RAB28: variants seen among roughly 807,000 people sequenced by gnomAD.
The protein encoded by RAB28 is ras-related protein Rab-28.
Under a neutral mutation model 31.7 loss-of-function variants are expected in RAB28, and 24 were observed. The observed-to-expected ratio is 0.76, with a 90% confidence interval of 0.55 to 1.06. RAB28 has a LOEUF of 1.06. Among genes scored for constraint, RAB28 ranks in the 50% least tolerant of loss-of-function variants. The pLI is 0.00. For missense variants in RAB28, 254 were observed against 258.5 expected, an observed-to-expected ratio of 0.98 and a Z score of 0.12; for synonymous variants, 100 against 90.4, an observed-to-expected ratio of 1.11 and a Z score of -0.60.
intron 4 of RAB28, among the ~76,000 whole-genome samples, chr4:13,413,498 T>C (rs1712564493): frequency 6.6e-6 from 1 of 152,172 alleles, no homozygotes; most frequent in South Asian, 2.1e-4. Flanking sequence ...AGAAGACTAC[T>C]CTTTATTCGG....
At chr4:13,397,390 G>T (rs1165514845) in intron 4 of RAB28, among the ~76,000 whole-genome samples, 1 of 152,064 alleles carries the variant, frequency 6.6e-6, no homozygotes, top group Non-Finnish European at 1.5e-5. Flanking sequence ...GTTTGGTTCT[G>T]GGGTGCTAGC....
At chr4:13,411,163 A>C (rs1303910028) in intron 4 of RAB28, among the ~76,000 whole-genome samples, 1 of 152,174 alleles carries the variant, frequency 6.6e-6, no homozygotes, top group Non-Finnish European at 1.5e-5. Context: ...TTAAATACCA[A>C]AACACAACAG....
At chr4:13,382,350 G>A (rs2108883003) in intron 4 of RAB28, among the ~76,000 whole-genome samples, 1 of 152,132 alleles carries the variant, frequency 6.6e-6, no homozygotes, top group African/African-American at 2.4e-5. Context: ...TAAGGGTGTT[G>A]ATTCAATGCC....
intron 4 of RAB28, among the ~76,000 whole-genome samples, chr4:13,435,609 A>T (rs1279985041): frequency 6.6e-6 from 1 of 152,230 alleles, no homozygotes; most frequent in African/African-American, 2.4e-5. Flanking sequence ...CCATGTGCAC[A>T]AACTAGAAAA....
chr4:13,372,081 C>G (rs1728736451), intron 6 of RAB28, among the ~76,000 whole-genome samples: 1 of 152,054 alleles, frequency 6.6e-6, no homozygotes, highest in Non-Finnish European at 1.5e-5. Flanking sequence ...TAAACATACC[C>G]TGAAGGCTAA....
intron 4 of RAB28, among the ~76,000 whole-genome samples, chr4:13,403,201 C>G (rs1356922974): frequency 6.6e-6 from 1 of 152,156 alleles, no homozygotes; most frequent in Non-Finnish European, 1.5e-5. Flanking sequence ...TCCTATAAAA[C>G]TATTTATGGA....
At chr4:13,437,008 T>TA (rs1182559913) in intron 4 of RAB28, among the ~76,000 whole-genome samples, 2 of 152,006 alleles carry the variant, frequency 1.3e-5, no homozygotes. Context: ...GGTTAACAAA[T>TA]AGACACATAG....
chr4:13,452,468 T>C (rs546041221), intron 4 of RAB28, among the ~76,000 whole-genome samples: 1 of 152,042 alleles, frequency 6.6e-6, no homozygotes, highest in African/African-American at 2.4e-5. Flanking sequence ...TATATTGTGT[T>C]CCTACTTTCA....
At chr4:13,421,817 A>G (rs866846599) in intron 4 of RAB28, among the ~76,000 whole-genome samples, 1 of 152,332 alleles carries the variant, frequency 6.6e-6, no homozygotes, top group South Asian at 2.1e-4. Context: ...AACCTGGGCA[A>G]TACCATTCAG....
chr4:13,444,455 T>C (rs1164370613), intron 4 of RAB28, among the ~76,000 whole-genome samples: 1 of 152,220 alleles, frequency 6.6e-6, no homozygotes, highest in Non-Finnish European at 1.5e-5. Flanking sequence ...CTCCATATCT[T>C]GGCTATAGTG....
intron 1 of RAB28, among the ~76,000 whole-genome samples, chr4:13,480,808 T>A (rs1055689405): frequency 1.3e-5 from 2 of 151,958 alleles, no homozygotes; most frequent in East Asian, 3.8e-4. Flanking sequence ...TTTTGACACA[T>A]GTAACACTAT....
At chr4:13,376,499 G>T in intron 6 of RAB28, 46 bp downstream of exon 6, 2 of 1,397,416 alleles carry the variant, frequency 1.4e-6, no homozygotes, top group Non-Finnish European at 9.9e-7. Context: ...TTAATGCCTT[G>T]TAAGAAATTC....
chr4:13,419,460 T>C (rs904259089), intron 4 of RAB28, among the ~76,000 whole-genome samples: 1 of 152,128 alleles, frequency 6.6e-6, no homozygotes, highest in Non-Finnish European at 1.5e-5. Context: ...CTTCTCATCA[T>C]CGCATTAAGC....
intron 4 of RAB28, among the ~76,000 whole-genome samples, chr4:13,415,729 C>T (rs982668431): frequency 1.3e-5 from 2 of 152,190 alleles, no homozygotes; most frequent in African/African-American, 4.8e-5. Context: ...TGCTCTACGG[C>T]GCCCGGTCCC....
At chr4:13,421,615 T>C (rs1713150532) in intron 4 of RAB28, among the ~76,000 whole-genome samples, 1 of 152,200 alleles carries the variant, frequency 6.6e-6, no homozygotes, top group Non-Finnish European at 1.5e-5. Context: ...TACAACCATC[T>C]GATCTTCGAC....
chr4:13,388,912 T>C (rs896392257), intron 4 of RAB28, among the ~76,000 whole-genome samples: 3 of 152,070 alleles, frequency 2.0e-5, no homozygotes, highest in African/African-American at 4.8e-5. Context: ...AAGTTAAACA[T>C]AGAACGACTG....
intron 4 of RAB28, among the ~76,000 whole-genome samples, chr4:13,420,135 G>A (rs190978595): frequency 1.3e-4 from 20 of 152,222 alleles, no homozygotes; most frequent in Non-Finnish European, 2.2e-4. Context: ...ACATCTCTAC[G>A]CAAATAAACT....
chr4:13,416,758 C>T (rs572952393), intron 4 of RAB28, among the ~76,000 whole-genome samples: 1 of 152,118 alleles, frequency 6.6e-6, no homozygotes, highest in Non-Finnish European at 1.5e-5. Context: ...TGCACACAAA[C>T]GAAGATTCCA....
Position 13,468,211 on chromosome 4 carries a change from A to G in RAB28, c.261+6107T>C, listed in dbSNP as rs533821592. Among the ~76,000 whole-genome samples, 5 of 152,120 alleles carry G rather than the reference A, an allele frequency of 3.3e-5. No homozygotes were observed. In the South Asian group the frequency reaches 1.0e-3, roughly 32 times the overall value. ...GCAAACAGAAAATCAGTAAGGGTAC[A>G]GTTGATCTGAACAACACTAACAATC... On this transcript the variant is annotated intron_variant, in intron 3 of 6. Transcript: ENST00000330852.
Sources: allele counts gnomAD v4.1 joint callset (sites outside exome capture counted in the v4.1 genomes callset), GRCh38; gene constraint gnomAD v4.1.1; transcripts MANE v1.5; gene names NCBI Gene and HGNC (gene_info 2026-07-23, HGNC 2026-07-21).